Variants in DIAPH3 observed in about 807,000 individuals in gnomAD.
DIAPH3 encodes protein diaphanous homolog 3.
A neutral mutation model predicts 144.3 loss-of-function variants in DIAPH3; 117 were observed. The ratio of observed to expected loss-of-function variants is 0.81; its 90% confidence interval spans 0.70 to 0.95. The LOEUF (loss-of-function observed/expected upper bound fraction) is 0.95. Among genes scored for constraint, DIAPH3 ranks in the 40% least tolerant of loss-of-function variants. The probability of loss-of-function intolerance (pLI) is 0.00; values close to 1 mark genes in which losing one functional copy is unlikely to be tolerated. For synonymous variants in DIAPH3, 519 were observed against 488.9 expected (o/e 1.06, Z -0.81); for missense variants, 1,421 against 1,412.7 (o/e 1.01, Z -0.09).
At chr13:60,138,781 A>AGGGG (rs1566815345) in intron 1 of DIAPH3, among the ~76,000 whole-genome samples, 1 of 98,330 alleles carries the variant, frequency 1.0e-5, no homozygotes, top group Non-Finnish European at 2.0e-5. Context: ...GAGAAGGAGA[A>AGGGG]GAAGGGGAAG....
intron 24 of DIAPH3, among the ~76,000 whole-genome samples, chr13:59,829,088 G>A (rs1471548677): frequency 6.6e-6 from 1 of 151,862 alleles, no homozygotes; most frequent in African/African-American, 2.4e-5. Flanking sequence ...AAATGAACTC[G>A]AAGGGCTGTA....
At chr13:59,982,204 T>C (rs921274900) in intron 13 of DIAPH3, among the ~76,000 whole-genome samples, 1 of 151,506 alleles carries the variant, frequency 6.6e-6, no homozygotes, top group Non-Finnish European at 1.5e-5. Context: ...AATTAATTTA[T>C]TAAAACTACA....
intron 5 of DIAPH3, among the ~76,000 whole-genome samples, chr13:60,020,567 G>A (rs1016189539): frequency 5.3e-5 from 8 of 152,002 alleles, no homozygotes; most frequent in Non-Finnish European, 7.4e-5. Context: ...GTCTCACTAC[G>A]TTGCCCAGGC....
intron 1 of DIAPH3, among the ~76,000 whole-genome samples, chr13:60,156,367 T>A (rs1265642958): frequency 2.0e-5 from 3 of 152,146 alleles, no homozygotes; most frequent in African/African-American, 7.2e-5. Context: ...GTGTGGCAAG[T>A]GTGGAGTCAT....
chr13:60,021,042 T>C (rs1402077625), intron 5 of DIAPH3: 1 of 152,126 alleles, frequency 6.6e-6, no homozygotes, highest in Non-Finnish European at 1.5e-5. Context: ...AAACCACATA[T>C]GTAATGCCAT....
intron 1 of DIAPH3, among the ~76,000 whole-genome samples, chr13:60,158,069 G>A (rs1462037007): frequency 1.3e-5 from 2 of 152,082 alleles, no homozygotes; most frequent in Admixed American, 6.6e-5. Flanking sequence ...CCTGATTAGG[G>A]GCTTCCCTTA....
At chr13:59,844,915 T>A (rs1366308340) in intron 22 of DIAPH3, among the ~76,000 whole-genome samples, 2 of 152,164 alleles carry the variant, frequency 1.3e-5, no homozygotes, top group Admixed American at 1.3e-4. Flanking sequence ...GACCCTTTCC[T>A]CTCTTGCAAT....
chr13:60,129,507 T>C (rs1353617872), intron 2 of DIAPH3, among the ~76,000 whole-genome samples: 1 of 152,182 alleles, frequency 6.6e-6, no homozygotes, highest in East Asian at 1.9e-4. Context: ...CCTTAAAACA[T>C]GAAGTACTTT....
At chr13:60,044,049 T>C (rs1454305153) in intron 4 of DIAPH3, 1 of 152,108 alleles carries the variant, frequency 6.6e-6, no homozygotes, top group East Asian at 1.9e-4. Flanking sequence ...AACTGTAGGT[T>C]TTACAGTCCA....
chr13:59,988,061 C>G (rs1358520066), intron 12 of DIAPH3, among the ~76,000 whole-genome samples: 2 of 151,812 alleles, frequency 1.3e-5, no homozygotes, highest in Non-Finnish European at 2.9e-5. Context: ...CTGCTCTTGA[C>G]CTACTTACCT....
chr13:60,108,923 G>A (rs1246536891), intron 3 of DIAPH3, among the ~76,000 whole-genome samples: 1 of 151,994 alleles, frequency 6.6e-6, no homozygotes, highest in African/African-American at 2.4e-5. Context: ...TAGGAAATAT[G>A]ATGAGTTCAC....
intron 20 of DIAPH3, among the ~76,000 whole-genome samples, chr13:59,889,684 ATACT>A (rs1159905733): frequency 6.6e-6 from 1 of 152,104 alleles, no homozygotes. Context: ...TCAATATTGA[ATACT>A]TACTTACATA....
At chr13:59,950,561 C>A (rs911181183) in intron 17 of DIAPH3, among the ~76,000 whole-genome samples, 2 of 152,086 alleles carry the variant, frequency 1.3e-5, no homozygotes, top group Non-Finnish European at 2.9e-5. Flanking sequence ...ATAAAGGGCA[C>A]TGTGGGGTTG....
chr13:59,813,606 A>T (rs1227846372), intron 24 of DIAPH3, among the ~76,000 whole-genome samples: 2 of 152,196 alleles, frequency 1.3e-5, no homozygotes, highest in Non-Finnish European at 2.9e-5. Flanking sequence ...CTGTAATCCC[A>T]GCACTTTCGG....
chr13:60,138,548 T>C (rs747920304), intron 1 of DIAPH3, among the ~76,000 whole-genome samples: 1 of 152,242 alleles, frequency 6.6e-6, no homozygotes, highest in Non-Finnish European at 1.5e-5. Flanking sequence ...CAATTAGCAC[T>C]GTTTTAAGAT....
intron 22 of DIAPH3, among the ~76,000 whole-genome samples, chr13:59,842,977 G>C (rs544952760): frequency 6.6e-6 from 1 of 152,126 alleles, no homozygotes; most frequent in East Asian, 1.9e-4. Context: ...TAAATCACTG[G>C]CATTTGTGAT....
intron 23 of DIAPH3, chr13:59,838,376 C>T (rs2042150990): frequency 6.6e-6 from 1 of 151,808 alleles, no homozygotes; most frequent in African/African-American, 2.4e-5. Flanking sequence ...AGGACACAAG[C>T]CTCATGCTAT....
At chr13:60,145,593 G>A (rs768261727) in intron 1 of DIAPH3, among the ~76,000 whole-genome samples, 9 of 152,238 alleles carry the variant, frequency 5.9e-5, no homozygotes, top group Non-Finnish European at 1.0e-4. Context: ...AGCTTGCAGT[G>A]AGCTGAGATC....
At chr13:59,964,291 T>C (rs775023123) in intron 17 of DIAPH3, among the ~76,000 whole-genome samples, 1 of 152,010 alleles carries the variant, frequency 6.6e-6, no homozygotes, top group Non-Finnish European at 1.5e-5. Flanking sequence ...GTCAAATCCA[T>C]TACCCTAGTA....
Sources: allele counts gnomAD v4.1 joint callset (sites outside exome capture counted in the v4.1 genomes callset), GRCh38; gene constraint gnomAD v4.1.1; transcripts MANE v1.5; gene names NCBI Gene and HGNC (gene_info 2026-07-23, HGNC 2026-07-21).